SLC4A7: variants seen among roughly 807,000 people sequenced by gnomAD.
SLC4A7 encodes solute carrier family 4 member 7, also known as sodium bicarbonate cotransporter 3.
SLC4A7 carries 51 observed loss-of-function variants against 137.6 expected under a neutral mutation model. The ratio of observed to expected loss-of-function variants is 0.37; its 90% CI spans 0.30 to 0.47. SLC4A7 has a LOEUF of 0.47. Ranked by LOEUF, SLC4A7 falls within the 20% of genes least tolerant of loss-of-function variation. The pLI is 1.00. For missense variants in SLC4A7, 1,247 were observed against 1,525.4 expected, an observed-to-expected ratio of 0.82 and a Z score of 3.04; for synonymous variants, 542 against 518.6, an observed-to-expected ratio of 1.05 and a Z score of -0.61.
chr3:27,474,341 C>G (rs570959105), intron 1 of SLC4A7, among the ~76,000 whole-genome samples: 8 of 152,220 alleles, frequency 5.3e-5, no homozygotes, highest in African/African-American at 1.9e-4. Context: ...CAGTTAAACA[C>G]AAGGTAAGTT....
chr3:27,437,274 C>T, intron 4 of SLC4A7, 114 bp downstream of exon 4: 1 of 518,178 alleles, frequency 1.9e-6, no homozygotes, highest in African/African-American at 2.0e-5. Context: ...TCACTTGAAC[C>T]TGGGAGGCAG....
intron 13 of SLC4A7, among the ~76,000 whole-genome samples, chr3:27,407,204 A>AGGCAC (rs1170767473): frequency 6.7e-6 from 1 of 150,042 alleles, no homozygotes; most frequent in African/African-American, 2.5e-5. Context: ...CAGCCTGGCT[A>AGGCAC]GGCACGGTGG....
intron 1 of SLC4A7, among the ~76,000 whole-genome samples, chr3:27,457,739 A>G (rs969296533): frequency 1.3e-5 from 2 of 152,198 alleles, no homozygotes; most frequent in East Asian, 1.9e-4. Context: ...TCATTAAACA[A>G]TATCAAAAAT....
chr3:27,390,509 G>T (rs2051429261), intron 21 of SLC4A7, among the ~76,000 whole-genome samples: 1 of 152,172 alleles, frequency 6.6e-6, no homozygotes, highest in Non-Finnish European at 1.5e-5. Flanking sequence ...AAAATAACTT[G>T]AGATAACAAT....
In SLC4A7 at chr3:27,446,686, T is replaced by C. The variant is rs1028219847; in HGVS notation, c.289+1965A>G. On this transcript the variant is annotated intron_variant, in intron 3 of 25. Coordinates refer to ENST00000454389, the MANE Select transcript of SLC4A7 (RefSeq NM_001321103.2). ...GATATCCTAAACTGAATGGCTGTGA[T>C]GTATAGAACAGTTTTTTACTGTTTA... Among the ~76,000 whole-genome samples, 5 of 152,084 alleles carry C rather than the reference T, an allele frequency of 3.3e-5. No homozygotes were observed. The South Asian group carries it at 1.0e-3, about 32-fold the overall frequency.
Position 27,448,811 on chromosome 3 carries a change from C to T in SLC4A7, c.143-14G>A, listed in dbSNP as rs2150525234. Reference sequence around the variant, plus strand: ...CAGCTCTATGACCTATTAAAAGGTTCAGAAACATATTACTAGCTTTCCAAA... The same window carrying T: ...CAGCTCTATGACCTATTAAAAGGTTTAGAAACATATTACTAGCTTTCCAAA... On this transcript the variant is annotated splice_polypyrimidine_tract_variant and intron_variant, in intron 2 of 25. Transcript: ENST00000454389. 6.4e-7 allele frequency: 1 copy of T among 1,554,034 alleles called. No individual in the cohort carries two copies. The highest frequency in any genetic ancestry group is 8.7e-7 in the Non-Finnish European group (1 of 1,151,398).
chr3:27,403,379 T>C lies in SLC4A7; in HGVS notation c.2081A>G (p.Tyr694Cys), dbSNP rs1279036057. Residue 694 changes from tyrosine (Y) to cysteine (C), a missense_variant, in exon 15 of 26, where the codon TAT (tyrosine) becomes TGT (cysteine). By Grantham distance (194) the Tyr-to-Cys change is radical. Coordinates refer to ENST00000454389, the MANE Select transcript of SLC4A7 (RefSeq NM_001321103.2). ...EKILYKFCRD[Y>C]QLSYLSLRTS... ...TCTTAAAGACAGATAAGAAAGTTGA[T>C]AATCTCTGTTTAGAAAGAAAAATAT... 4 of 1,580,566 alleles carry C rather than the reference T, an allele frequency of 2.5e-6. No homozygotes were observed. The highest frequency in any genetic ancestry group is 1.8e-5 in the Admixed American group (1 of 54,726).
rs146293264 is a variant in SLC4A7 at position 27,424,040 on chromosome 3, G to A, written c.1263C>T (p.Ser421=). Residue 421 remains serine, a synonymous_variant, in exon 8 of 26, where the codon AGC becomes AGT. Transcript: ENST00000454389. ...TTTCAGTTAATGATAGAATTACCTTGCTGAAGTCAACAGTACTATTTTCTC... is the reference window on the plus strand; with the variant it reads ...TTTCAGTTAATGATAGAATTACCTTACTGAAGTCAACAGTACTATTTTCTC... The part of the protein sequence containing the change: ...GSRENSTVDF[S]KVDMNFMRKI... 2.2e-5 allele frequency: 33 copies of A among 1,508,936 alleles called. No homozygotes were observed. The highest frequency in any genetic ancestry group is 2.8e-6 in the Non-Finnish European group (3 of 1,085,698). The allele number at this position is 1,508,936 out of a possible 1,614,324, so 93.5% of individuals were successfully genotyped here.
At chr3:27,456,181 T>C (rs559607541) in intron 1 of SLC4A7, among the ~76,000 whole-genome samples, 24 of 152,304 alleles carry the variant, frequency 1.6e-4, no homozygotes, top group African/African-American at 4.3e-4. Context: ...TTTGACACCC[T>C]AAGGTTTACA....
At chr3:27,395,367 C>T (rs771899675) in intron 18 of SLC4A7, among the ~76,000 whole-genome samples, 1 of 152,148 alleles carries the variant, frequency 6.6e-6, no homozygotes, top group African/African-American at 2.4e-5. Flanking sequence ...CCCCTGAAAC[C>T]AGGATGACCC....
intron 15 of SLC4A7, among the ~76,000 whole-genome samples, chr3:27,401,796 C>T (rs566865980): frequency 1.3e-5 from 2 of 152,258 alleles, no homozygotes; most frequent in African/African-American, 2.4e-5. Context: ...AAACACTGCT[C>T]TAACTGGCTG....
intron 3 of SLC4A7, among the ~76,000 whole-genome samples, chr3:27,441,059 A>G (rs2057155350): frequency 6.6e-6 from 1 of 152,136 alleles, no homozygotes; most frequent in African/African-American, 2.4e-5. Flanking sequence ...AAAATATATA[A>G]CAAAAAAAAT....
intron 2 of SLC4A7, among the ~76,000 whole-genome samples, chr3:27,451,910 A>T (rs575982112): frequency 6.6e-6 from 1 of 152,118 alleles, no homozygotes. Flanking sequence ...TGTAAATCTA[A>T]AATTATTTTC....
chr3:27,448,745 A>C lies in SLC4A7; in HGVS notation c.195T>G (p.Arg65=), dbSNP rs2150524680. 6.2e-7 allele frequency: 1 copy of C among 1,613,606 alleles called. No homozygotes were observed. Among genetic ancestry groups the C allele is most frequent in the Middle Eastern group, 1.7e-4 (1 of 6,058 alleles). ...TGTGTCCGCGATGCCTATGACGCCG[A>C]CGACTCTCTTTACTAAACGGGACGT... is the stretch of plus-strand genomic sequence containing the variant. ...GVHVPFSKES[R]RRHRHRGHKH... Residue 65 remains arginine (R), a synonymous_variant, in exon 3 of 26, where the codon CGT becomes CGG. Transcript: ENST00000454389.
At chr3:27,393,192 C>T (rs568127452) in intron 20 of SLC4A7, among the ~76,000 whole-genome samples, 2 of 152,016 alleles carry the variant, frequency 1.3e-5, no homozygotes, top group Non-Finnish European at 2.9e-5. Context: ...CCCCTAACTG[C>T]CTCCCTAAGT....
chr3:27,447,177 C>T (rs943949642), intron 3 of SLC4A7, among the ~76,000 whole-genome samples: 8 of 151,968 alleles, frequency 5.3e-5, no homozygotes, highest in Admixed American at 3.3e-4. Context: ...TGAGCCACCG[C>T]GCCCAGCTGA....
chr3:27,433,992 G>C lies in SLC4A7; in HGVS notation c.702C>G (p.Thr234=). The C allele has an allele frequency of 1.2e-6, 2 of 1,613,746 alleles. No individual in the cohort carries two copies. Among genetic ancestry groups the C allele is most frequent in the Non-Finnish European group, 1.7e-6 (2 of 1,179,848 alleles). The part of the protein sequence containing the change: ...RHHHQNEKRF[T]SRIPLVRSFA... ...AAGATCGAACAAGAGGAATCCGACTGGTGAATCTTTTCTCATTCTGATGAT... is the reference window on the plus strand; with the variant it reads ...AAGATCGAACAAGAGGAATCCGACTCGTGAATCTTTTCTCATTCTGATGAT... The change falls in exon 6 of 26, where the codon ACC becomes ACG. Residue 234 remains threonine, a synonymous_variant. Transcript: ENST00000454389.
chr3:27,405,970 G>C (rs982315032), intron 13 of SLC4A7, among the ~76,000 whole-genome samples: 2 of 152,140 alleles, frequency 1.3e-5, no homozygotes, highest in African/African-American at 2.4e-5. Flanking sequence ...GAATCAGAAA[G>C]TAAGGAAAGA....
intron 4 of SLC4A7, among the ~76,000 whole-genome samples, 164 bp downstream of exon 4, chr3:27,437,224 G>A (rs1012588458): frequency 2.8e-4 from 42 of 151,910 alleles, no homozygotes; most frequent in Non-Finnish European, 4.3e-4. Flanking sequence ...GGTGGCGGGC[G>A]CCTGCAATGT....
Sources: allele counts gnomAD v4.1 joint callset (sites outside exome capture counted in the v4.1 genomes callset), GRCh38; gene constraint gnomAD v4.1.1; transcripts MANE v1.5; gene names NCBI Gene and HGNC (gene_info 2026-07-23, HGNC 2026-07-21).